The following ZBBX variants were observed in gnomAD, a reference collection of about 807,000 sequenced individuals.
The protein encoded by ZBBX is zinc finger B-box domain containing.
In ZBBX, 101 loss-of-function variants were observed where a neutral mutation model predicts 108.5. The observed-to-expected ratio is 0.93, with a 90% CI of 0.79 to 1.10. The LOEUF is 1.10. Ranked by LOEUF, ZBBX falls within the 50% of genes least tolerant of loss-of-function variation. The pLI, the probability that ZBBX is intolerant of heterozygous loss-of-function variation, is 0.00. For missense variants in ZBBX, 1,009 were observed against 941.4 expected (o/e 1.07, Z -0.94); for synonymous variants, 356 against 323.4 (o/e 1.10, Z -1.08).
At chr3:167,203,524 TAAC>T in the ZBBX span, among the ~76,000 whole-genome samples, 2 of 152,122 alleles carry the variant, frequency 1.3e-5, no homozygotes, top group African/African-American at 4.8e-5. Flanking sequence ...ACAGAAAAGT[TAAC>T]AAACAAATAA....
At chr3:167,193,459 T>C in the ZBBX span, among the ~76,000 whole-genome samples, 5 of 152,162 alleles carry the variant, frequency 3.3e-5, no homozygotes, top group Non-Finnish European at 7.4e-5. Context: ...CCCCTCTTTG[T>C]CTCTGGCTAT....
chr3:167,248,444 T>G (rs1212517990), intron 20 of ZBBX, among the ~76,000 whole-genome samples: 7 of 152,122 alleles, frequency 4.6e-5, no homozygotes, highest in Non-Finnish European at 8.8e-5. Flanking sequence ...TGTTTTTCTT[T>G]TTTCTTTTTT....
the ZBBX span, among the ~76,000 whole-genome samples, chr3:167,228,802 GA>G: frequency 6.6e-6 from 1 of 151,856 alleles, no homozygotes; most frequent in Non-Finnish European, 1.5e-5. Context: ...ATTTTGCTGT[GA>G]GTTCCTCATG....
At chr3:167,299,343 A>C in intron 17 of ZBBX, among the ~76,000 whole-genome samples, 1 of 152,082 alleles carries the variant, frequency 6.6e-6, no homozygotes, top group East Asian at 1.9e-4. Flanking sequence ...GCTAGTGACC[A>C]ATAAAGCATG....
At chr3:167,279,422 C>T (rs887885427) in intron 20 of ZBBX, among the ~76,000 whole-genome samples, 1 of 151,974 alleles carries the variant, frequency 6.6e-6, no homozygotes, top group African/African-American at 2.4e-5. Flanking sequence ...AATCAATGTA[C>T]AAAAATCACA....
intron 20 of ZBBX, among the ~76,000 whole-genome samples, chr3:167,278,727 G>A (rs1012114266): frequency 6.6e-4 from 99 of 150,998 alleles, no homozygotes; most frequent in Non-Finnish European, 1.1e-3. Context: ...AGAAAAAGAG[G>A]GAATCCTCCC....
chr3:167,300,958 T>C (rs1195372855), intron 17 of ZBBX, among the ~76,000 whole-genome samples: 1 of 150,626 alleles, frequency 6.6e-6, no homozygotes, highest in Non-Finnish European at 1.5e-5. Flanking sequence ...GGAGTACTTG[T>C]GCAGGTCTGT....
upstream of ZBBX, among the ~76,000 whole-genome samples, chr3:167,380,907 G>A (rs964240625): frequency 3.2e-5 from 3 of 93,628 alleles, no homozygotes; most frequent in East Asian, 1.0e-3. Flanking sequence ...CACACACACA[G>A]TTAACCCACA....
At chr3:167,236,487 G>A (rs566301565), downstream of ZBBX, among the ~76,000 whole-genome samples, 1 of 151,900 alleles carries the variant, frequency 6.6e-6, no homozygotes, top group South Asian at 2.1e-4. Context: ...TTTCAACAAC[G>A]TTCCTTTGAG....
rs1747607979 is a variant in ZBBX, at chr3:167,380,280, G to A, written c.-320C>T. ...CCCAGCCTCTCGCGTCACCACCGCCGGATGGCCGCGGATAGCTGCCGGGAG... is the reference window on the plus strand; with the variant it reads ...CCCAGCCTCTCGCGTCACCACCGCCAGATGGCCGCGGATAGCTGCCGGGAG... On this transcript the variant is annotated 5_prime_UTR_variant, in exon 1 of 22. Transcript: ENST00000675490. 1 of 152,378 alleles carries A rather than the reference G, an allele frequency of 6.6e-6. No individual in the cohort carries two copies. The highest frequency in any genetic ancestry group is 2.1e-4 in the South Asian group (1 of 4,830). 9.4% of individuals were successfully genotyped at this position (152,378 alleles called of 1,614,324 possible).
At chr3:167,275,078 TTTTAA>T (rs1727270226) in intron 20 of ZBBX, among the ~76,000 whole-genome samples, 1 of 152,344 alleles carries the variant, frequency 6.6e-6, no homozygotes, top group Admixed American at 6.5e-5. Flanking sequence ...GTACAATTAA[TTTTAA>T]TTTGATTTTG....
At chr3:167,268,985 T>C (rs1042665444) in intron 20 of ZBBX, among the ~76,000 whole-genome samples, 3 of 152,120 alleles carry the variant, frequency 2.0e-5, no homozygotes, top group Admixed American at 6.5e-5. Context: ...TGCAAAGTCC[T>C]GGAGCTGGGA....
chr3:167,345,473 TA>T (rs752482091), intron 9 of ZBBX, among the ~76,000 whole-genome samples: 17 of 151,918 alleles, frequency 1.1e-4, no homozygotes, highest in Non-Finnish European at 1.9e-4. Flanking sequence ...TTCTTAAGTA[TA>T]ACATTAATAC....
chr3:167,363,516 A>ACT lies in ZBBX; in HGVS notation c.273+2369_273+2370insAG, dbSNP rs569353271. On this transcript the variant is annotated intron_variant, in intron 6 of 21. Transcript: ENST00000675490. ...TCCACCTTTCTTGTCTCACACACAC[A>ACT]CAAAAAATATGTCTTCCTTTCCTTG... 2.8e-3 allele frequency among the ~76,000 whole-genome samples: 422 copies of ACT among 152,126 alleles called. 5 individuals carry two copies. The highest frequency in any genetic ancestry group is 9.5e-3 in the African/African-American group (393 of 41,514).
intron 9 of ZBBX, among the ~76,000 whole-genome samples, chr3:167,348,286 G>GAGA (rs1741882144): frequency 9.6e-6 from 1 of 104,028 alleles, no homozygotes; most frequent in African/African-American, 3.4e-5. Flanking sequence ...AAGGAAGGAA[G>GAGA]GAAGGAAAGA....
the ZBBX span, among the ~76,000 whole-genome samples, chr3:167,196,072 A>G: frequency 6.6e-6 from 1 of 152,184 alleles, no homozygotes; most frequent in East Asian, 1.9e-4. Flanking sequence ...TGCATGACAT[A>G]TATCACATAG....
chr3:167,187,856 G>A, the ZBBX span, among the ~76,000 whole-genome samples: 3 of 152,004 alleles, frequency 2.0e-5, no homozygotes, highest in African/African-American at 4.8e-5. Context: ...TATGGTTTAC[G>A]ATGTTCATTT....
At chr3:167,209,305 T>C in the ZBBX span, among the ~76,000 whole-genome samples, 2 of 152,108 alleles carry the variant, frequency 1.3e-5, no homozygotes, top group Admixed American at 1.3e-4. Flanking sequence ...TGCTGGCTTC[T>C]GGCCTGATCC....
Position 167,350,400 on chromosome 3 carries a change from AT to A in ZBBX, c.528+19del. 6.4e-7 allele frequency: 1 copy of A among 1,555,642 alleles called. No individual in the cohort carries two copies. The highest frequency in any genetic ancestry group is 8.7e-7 in the Non-Finnish European group (1 of 1,144,546). ...CATTTTATAAACACACTACAAGTAA[AT>A]CATTTTAGAAAGCCATACCTGCAAA... On this transcript the variant is annotated intron_variant, in intron 9 of 21. Transcript: ENST00000675490.
Sources: allele counts gnomAD v4.1 joint callset (sites outside exome capture counted in the v4.1 genomes callset), GRCh38; gene constraint gnomAD v4.1.1; transcripts MANE v1.5; gene names NCBI Gene and HGNC (gene_info 2026-07-23, HGNC 2026-07-21).